The following OPHN1 variants were observed in gnomAD, a reference collection of about 807,000 sequenced individuals.
OPHN1 encodes the protein oligophrenin-1.
OPHN1 carries 11 observed loss-of-function variants against 60.7 expected under a neutral mutation model. The observed-to-expected ratio is 0.18, with a 90% CI of 0.11 to 0.30. OPHN1 has a LOEUF of 0.30. OPHN1 is among the 10% of genes least tolerant of loss of function. The pLI is 1.00. For synonymous variants in OPHN1, 226 were observed against 222.6 expected (o/e 1.02, Z -0.14); for missense variants, 449 against 611.0 (o/e 0.73, Z 2.80).
intron 15 of OPHN1, among the ~76,000 whole-genome samples, chrX:68,181,856 C>T (rs1025609256): frequency 8.9e-6 from 1 of 111,775 alleles, no homozygotes; most frequent in Non-Finnish European, 1.9e-5. Context: ...ATAAATTTGG[C>T]AACCCTATTC....
At chrX:68,307,288 A>AAAT (rs764616868) in intron 2 of OPHN1, among the ~76,000 whole-genome samples, 5,294 of 105,633 alleles carry the variant, frequency 0.05, 419 homozygotes, top group African/African-American at 0.18. Flanking sequence ...ACCAAAAAAA[A>AAAT]AATAATAATA....
chrX:68,088,525 T>C (rs1330778980), intron 19 of OPHN1, among the ~76,000 whole-genome samples: 1 of 111,157 alleles, frequency 9.0e-6, no homozygotes, highest in Non-Finnish European at 1.9e-5. Flanking sequence ...TAAACAATGG[T>C]GTAACAGCTA....
chrX:68,078,170 T>A (rs2076960432), intron 19 of OPHN1, among the ~76,000 whole-genome samples: 1 of 111,360 alleles, frequency 9.0e-6, no homozygotes, highest in Admixed American at 9.6e-5. Context: ...TTTCATGACA[T>A]CTGTGAAAAT....
rs771114091 is a variant in OPHN1 at position 68,308,807 on chromosome X, T to C, written c.155-9711A>G. Among the ~76,000 whole-genome samples the C allele has an allele frequency of 7.3e-5, 8 of 109,595 alleles. No homozygotes were observed. The South Asian group carries it at 3.3e-3, about 45-fold the overall frequency. On this transcript the variant is annotated intron_variant, in intron 2 of 24. Transcript: ENST00000355520. Reference sequence around the variant, plus strand: ...TGTTTTTTTGTTTTTTGAGACAGGGTCTAGCTCGGATGCCCAGGCTGGAGT... The same window carrying C: ...TGTTTTTTTGTTTTTTGAGACAGGGCCTAGCTCGGATGCCCAGGCTGGAGT...
At chrX:68,213,013 C>A (rs770641225) in intron 7 of OPHN1, among the ~76,000 whole-genome samples, 28 of 112,142 alleles carry the variant, frequency 2.5e-4, no homozygotes, top group Admixed American at 9.4e-5. Context: ...CACAGGGTTG[C>A]AGAAAAAGAC....
At chrX:68,053,053 G>A (rs759763821) in intron 22 of OPHN1, among the ~76,000 whole-genome samples, 11 of 111,580 alleles carry the variant, frequency 9.9e-5, no homozygotes, top group Non-Finnish European at 1.7e-4. Flanking sequence ...ACAGGCAAGC[G>A]CGTTGTGGCC....
intron 5 of OPHN1, among the ~76,000 whole-genome samples, chrX:68,265,099 G>T (rs970772179): frequency 7.1e-5 from 8 of 112,653 alleles, no homozygotes; most frequent in Non-Finnish European, 1.5e-4. Context: ...CTCCACCTCT[G>T]GGGGCAGGGT....
chrX:68,212,317 T>C, intron 7 of OPHN1, 105 bp from the exon 8 acceptor site: 1 of 576,729 alleles, frequency 1.7e-6, no homozygotes, highest in Non-Finnish European at 2.9e-6. Context: ...CTGGGTGTGG[T>C]GGCTTATGCC....
intron 2 of OPHN1, among the ~76,000 whole-genome samples, chrX:68,416,059 TATATATATAGAGAGAGAGAG>T (rs1211278847): frequency 3.3e-3 from 23 of 6,965 alleles, no homozygotes; most frequent in African/African-American, 4.4e-3. Context: ...TATATATATA[TATATATATAGAGAGAGAGAG>T]AGAGAGAGAG....
At chrX:68,062,717 G>T (rs998551191) in intron 21 of OPHN1, among the ~76,000 whole-genome samples, 2 of 112,137 alleles carry the variant, frequency 1.8e-5, no homozygotes, top group African/African-American at 3.2e-5. Flanking sequence ...TTGCTATATT[G>T]TGAAATTCCT....
chrX:68,413,886 A>G (rs2078781422), intron 2 of OPHN1, among the ~76,000 whole-genome samples: 2 of 111,981 alleles, frequency 1.8e-5, no homozygotes, highest in Non-Finnish European at 3.8e-5. Flanking sequence ...ATAAGGGGGA[A>G]GGAAGTCTCT....
chrX:68,210,337 G>C, intron 8 of OPHN1, 55 bp from the exon 9 acceptor site: 3 of 1,132,849 alleles, frequency 2.6e-6, no homozygotes, highest in Non-Finnish European at 3.6e-6. Context: ...TCATGAAAAA[G>C]TATTTCTTGG....
At chrX:68,390,755 A>G (rs1321960854) in intron 2 of OPHN1, among the ~76,000 whole-genome samples, 1 of 112,300 alleles carries the variant, frequency 8.9e-6, no homozygotes, top group Non-Finnish European at 1.9e-5. Flanking sequence ...ATAAACAGCA[A>G]TAACATTAAA....
At chrX:68,184,112 G>A (rs909651888) in intron 15 of OPHN1, among the ~76,000 whole-genome samples, 1 of 111,734 alleles carries the variant, frequency 8.9e-6, no homozygotes, top group Non-Finnish European at 1.9e-5. Context: ...AAGTTAATGG[G>A]TGCAGCACAC....
At chrX:68,178,431 T>C (rs1731264562) in intron 15 of OPHN1, among the ~76,000 whole-genome samples, 1 of 111,630 alleles carries the variant, frequency 9.0e-6, no homozygotes, top group African/African-American at 3.3e-5. Flanking sequence ...TGAGACGTAA[T>C]CTCTCTCTAC....
At chrX:68,398,715 G>A (rs1263335249) in intron 2 of OPHN1, among the ~76,000 whole-genome samples, 8 of 111,436 alleles carry the variant, frequency 7.2e-5, no homozygotes, top group African/African-American at 2.6e-4. Flanking sequence ...TTGGGAGGCC[G>A]TGGTGGGCGG....
At position 68,045,520 on chromosome X, in the gene OPHN1, G is replaced by C. The variant is rs769597342; in HGVS notation, c.*1652C>G. ...GCACTAACAGGGCCTTGGTAGAAGA[G>C]TGCAAGTAGGAAAGCTCTTTCCCTC... On this transcript the variant is annotated 3_prime_UTR_variant, in exon 25 of 25. Transcript: ENST00000355520. 1 of 111,162 alleles carries C rather than the reference G, an allele frequency of 9.0e-6. No individual in the cohort carries two copies. Among genetic ancestry groups the C allele is most frequent in the South Asian group, 3.9e-4 (1 of 2,585 alleles). The allele number at this position is 111,162 out of a possible 1,213,427, so 9.2% of individuals were successfully genotyped here.
At chrX:68,292,317 G>T (rs2078074400) in intron 3 of OPHN1, among the ~76,000 whole-genome samples, 2 of 111,519 alleles carry the variant, frequency 1.8e-5, no homozygotes, top group African/African-American at 6.5e-5. Flanking sequence ...CTTCATAAAG[G>T]TTGTTTACCA....
rs2077616547 is a variant in OPHN1 at position 68,217,265 on chromosome X, C to A, written c.487-3293G>T. Among the ~76,000 whole-genome samples the A allele has an allele frequency of 2.7e-5, 3 of 112,377 alleles. No individual in the cohort carries two copies. In the South Asian group the frequency reaches 1.1e-3, roughly 42 times the overall value. On this transcript the variant is annotated intron_variant, in intron 6 of 24. Coordinates refer to ENST00000355520, the MANE Select transcript of OPHN1 (RefSeq NM_002547.3). ...CCACGAGATTATATCCCGCACCTGG[C>A]TCGGAGGATCCTACGCCCACGCAGT... is the stretch of plus-strand genomic sequence containing the variant.
Sources: gnomAD v4.1 joint callset for allele counts (sites outside exome capture counted in the v4.1 genomes callset) on GRCh38, gnomAD v4.1.1 for gene constraint, MANE v1.5 for transcripts, NCBI Gene and HGNC (gene_info 2026-07-23, HGNC 2026-07-21) for gene names.